The following DIAPH3 variants were observed in gnomAD, a reference collection of about 807,000 sequenced individuals.
The protein encoded by DIAPH3 is protein diaphanous homolog 3.
Under a neutral mutation model 144.3 loss-of-function variants are expected in DIAPH3, and 117 were observed. The observed-to-expected ratio is 0.81, with a 90% CI of 0.70 to 0.95. The LOEUF is 0.95. Among genes scored for constraint, DIAPH3 ranks in the 40% least tolerant of loss-of-function variants. DIAPH3 has a pLI of 0.00. For synonymous variants in DIAPH3, 519 were observed against 488.9 expected (o/e 1.06, Z -0.81); for missense variants, 1,421 against 1,412.7 (o/e 1.01, Z -0.09).
intron 5 of DIAPH3, among the ~76,000 whole-genome samples, chr13:60,026,815 T>A (rs1290994732): frequency 1.3e-5 from 2 of 152,208 alleles, no homozygotes; most frequent in Non-Finnish European, 2.9e-5. Flanking sequence ...GCATATTTTC[T>A]TATTGTCCTA....
intron 25 of DIAPH3, among the ~76,000 whole-genome samples, chr13:59,805,860 C>T (rs1361637367): frequency 6.6e-6 from 1 of 151,900 alleles, no homozygotes; most frequent in Non-Finnish European, 1.5e-5. Flanking sequence ...TAACAAAAAT[C>T]ACATTCTGAA....
chr13:59,707,371 GA>G (rs2034489209), intron 27 of DIAPH3, among the ~76,000 whole-genome samples: 1 of 152,132 alleles, frequency 6.6e-6, no homozygotes, highest in African/African-American at 2.4e-5. Context: ...TAAGTATCTG[GA>G]AAACAGGTTT....
chr13:60,119,338 C>G (rs74643000), intron 2 of DIAPH3, among the ~76,000 whole-genome samples: 7,397 of 152,208 alleles, frequency 0.049, 276 homozygotes, highest in African/African-American at 0.096. Flanking sequence ...CCTGGTCAAG[C>G]CTTCACATGA....
chr13:60,051,575 A>G (rs1329467532), intron 4 of DIAPH3, among the ~76,000 whole-genome samples: 2 of 152,198 alleles, frequency 1.3e-5, no homozygotes, highest in Non-Finnish European at 1.5e-5. Flanking sequence ...AGCTAAGATC[A>G]CACCATTGCA....
At chr13:60,107,057 CTT>C (rs2058439475) in intron 3 of DIAPH3, among the ~76,000 whole-genome samples, 1 of 152,052 alleles carries the variant, frequency 6.6e-6, no homozygotes, top group South Asian at 2.1e-4. Flanking sequence ...ATTGGTAAAA[CTT>C]TAATAGTGTG....
At chr13:59,981,264 TA>T (rs2050996281) in intron 13 of DIAPH3, among the ~76,000 whole-genome samples, 1 of 151,234 alleles carries the variant, frequency 6.6e-6, no homozygotes, top group African/African-American at 2.4e-5. Flanking sequence ...AACAGATGAA[TA>T]AATGTTTATT....
At chr13:60,017,707 C>T (rs2053750221) in intron 5 of DIAPH3, among the ~76,000 whole-genome samples, 1 of 152,058 alleles carries the variant, frequency 6.6e-6, no homozygotes, top group African/African-American at 2.4e-5. Context: ...TCTTGTCAGA[C>T]AATATTTTAC....
chr13:59,839,766 A>G (rs567015438), intron 22 of DIAPH3, among the ~76,000 whole-genome samples: 3 of 152,310 alleles, frequency 2.0e-5, no homozygotes, highest in South Asian at 4.1e-4. Context: ...TTCAGAGACA[A>G]AAAGAAAACA....
intron 25 of DIAPH3, among the ~76,000 whole-genome samples, chr13:59,810,304 T>C (rs1043655984): frequency 1.3e-5 from 2 of 152,132 alleles, no homozygotes; most frequent in Non-Finnish European, 2.9e-5. Context: ...GGACCACAGA[T>C]TGGAATACAC....
intron 20 of DIAPH3, among the ~76,000 whole-genome samples, chr13:59,903,690 A>G (rs1351168053): frequency 6.6e-6 from 1 of 152,138 alleles, no homozygotes; most frequent in Non-Finnish European, 1.5e-5. Context: ...ATTTTCACTC[A>G]TAGAGAAATC....
chr13:59,912,498 A>C (rs1318809096), intron 19 of DIAPH3, among the ~76,000 whole-genome samples: 1 of 152,196 alleles, frequency 6.6e-6, no homozygotes, highest in Non-Finnish European at 1.5e-5. Flanking sequence ...CCACACACTT[A>C]AACAACAGAA....
chr13:60,106,087 C>A (rs2058411713), intron 3 of DIAPH3, among the ~76,000 whole-genome samples: 1 of 152,076 alleles, frequency 6.6e-6, no homozygotes, highest in Non-Finnish European at 1.5e-5. Flanking sequence ...CACCTCTATA[C>A]CAAAAATATC....
At chr13:60,155,576 T>A (rs992342541) in intron 1 of DIAPH3, among the ~76,000 whole-genome samples, 3 of 152,240 alleles carry the variant, frequency 2.0e-5, no homozygotes, top group African/African-American at 7.2e-5. Context: ...TACCTCCTTC[T>A]GAAGCTTACA....
chr13:60,121,522 T>G (rs1249670066), intron 2 of DIAPH3, among the ~76,000 whole-genome samples: 1 of 152,214 alleles, frequency 6.6e-6, no homozygotes, highest in Non-Finnish European at 1.5e-5. Context: ...CAACAGGTTG[T>G]ATACTCTGAT....
Position 59,749,519 on chromosome 13 carries a change from CAAA to C in DIAPH3, c.3319+24667_3319+24669del, listed in dbSNP as rs60918644. Among the ~76,000 whole-genome samples, 16 of 51,226 alleles carry C rather than the reference CAAA, an allele frequency of 3.1e-4. 1 individual carries two copies. The highest frequency in any genetic ancestry group is 0.034 in the Middle Eastern group (2 of 58). The allele number at this position is 51,226 out of a possible 152,430, so 33.6% of individuals were successfully genotyped here. A position where few individuals can be genotyped will look rare whatever the true frequency, so the allele number is the denominator to read the frequency against. On this transcript the variant is annotated intron_variant, in intron 27 of 27. Transcript: ENST00000400324. Reference sequence around the variant, plus strand: ...TGGGTGACAGAGCGAGACTCCATCTCAAAAAAAAAAAAAAAAAAAAAGCCAAAT... The same window carrying C: ...TGGGTGACAGAGCGAGACTCCATCTCAAAAAAAAAAAAAAAAAAGCCAAAT...
At chr13:59,889,122 C>T (rs1440169591) in intron 20 of DIAPH3, among the ~76,000 whole-genome samples, 4 of 151,978 alleles carry the variant, frequency 2.6e-5, no homozygotes, top group Non-Finnish European at 5.9e-5. Flanking sequence ...TTGGGATCTG[C>T]TGAGCCTCTT....
chr13:60,004,715 A>T (rs1190718989), intron 9 of DIAPH3, among the ~76,000 whole-genome samples: 1 of 152,238 alleles, frequency 6.6e-6, no homozygotes, highest in East Asian at 1.9e-4. Context: ...ACTTCTTAAA[A>T]ATTAAGCTCT....
chr13:59,938,524 A>G (rs945554122), intron 17 of DIAPH3, among the ~76,000 whole-genome samples: 1 of 152,032 alleles, frequency 6.6e-6, no homozygotes, highest in Non-Finnish European at 1.5e-5. Context: ...TGGGAGGATC[A>G]CTTGTGCCCA....
intron 22 of DIAPH3, among the ~76,000 whole-genome samples, chr13:59,848,307 C>CTTTTTTTTTTTTTTTTTTTT (rs71089517): frequency 1.6e-5 from 2 of 128,078 alleles, no homozygotes; most frequent in Admixed American, 8.2e-5. Context: ...AAAGTCAAAT[C>CTTTTTTTTTTTTTTTTTTTT]TTTTTTTTTT....
Sources: gnomAD v4.1 joint callset for allele counts (sites outside exome capture counted in the v4.1 genomes callset) on GRCh38, gnomAD v4.1.1 for gene constraint, MANE v1.5 for transcripts, NCBI Gene and HGNC (gene_info 2026-07-23, HGNC 2026-07-21) for gene names.